FOXP1: variants seen among roughly 807,000 people sequenced by gnomAD.
The protein encoded by FOXP1 is forkhead box protein P1.
In FOXP1, 15 loss-of-function variants were observed where a neutral mutation model predicts 98.2. The ratio of observed to expected loss-of-function variants is 0.15; its 90% confidence interval spans 0.10 to 0.24. The LOEUF (loss-of-function observed/expected upper bound fraction) is 0.24. Among genes scored for constraint, FOXP1 ranks in the 10% least tolerant of loss-of-function variants. The pLI, the probability that FOXP1 is intolerant of heterozygous loss-of-function variation, is 1.00. For synonymous variants in FOXP1, 371 were observed against 314.5 expected (o/e 1.18, Z -1.90); for missense variants, 633 against 848.5 (o/e 0.75, Z 3.15).
intron 4 of FOXP1, among the ~76,000 whole-genome samples, chr3:71,344,242 G>C (rs78246745): frequency 0.021 from 3,135 of 152,268 alleles, 112 homozygotes; most frequent in African/African-American, 0.071. Context: ...AACTCTGCTA[G>C]AGTTTCCCCT....
rs150001651 is a variant in FOXP1 at position 71,281,793 on chromosome 3, A to T, written c.-12+18027T>A. Among the ~76,000 whole-genome samples, 495 of 152,180 alleles carry T rather than the reference A, an allele frequency of 3.3e-3. 3 individuals carry two copies. The highest frequency in any genetic ancestry group is 0.012 in the African/African-American group (478 of 41,540). On this transcript the variant is annotated intron_variant, in intron 5 of 20. Coordinates refer to ENST00000649528, the MANE Select transcript of FOXP1 (RefSeq NM_001349338.3). ...GGATGGCAATGGCTTGGCCTTTTAC[A>T]TTATCATCCCTCAAATCTAAGCTGA...
chr3:70,972,457 G>C (rs2036468157), intron 18 of FOXP1, 98 bp downstream of exon 18: 1 of 1,543,000 alleles, frequency 6.5e-7, no homozygotes, highest in South Asian at 1.1e-5. Flanking sequence ...CGTGAAACCA[G>C]TTCTTTGGTC....
At chr3:71,443,048 C>T (rs2086091389) in intron 3 of FOXP1, among the ~76,000 whole-genome samples, 1 of 152,148 alleles carries the variant, frequency 6.6e-6, no homozygotes, top group Admixed American at 6.5e-5. Flanking sequence ...TGTACCACCA[C>T]ACCTGGCTAA....
intron 7 of FOXP1, among the ~76,000 whole-genome samples, chr3:71,067,134 T>A (rs2107368484): frequency 6.6e-6 from 1 of 152,104 alleles, no homozygotes; most frequent in Non-Finnish European, 1.5e-5. Context: ...GAGAGGGAAA[T>A]GGCTTGGCAT....
chr3:70,968,483 C>T (rs1383690121), intron 19 of FOXP1: 1 of 151,154 alleles, frequency 6.6e-6, no homozygotes, highest in Non-Finnish European at 1.5e-5. Flanking sequence ...GCTGGCACCT[C>T]TGCCAAAAAA....
At chr3:71,171,243 G>A (rs1177484382) in intron 6 of FOXP1, among the ~76,000 whole-genome samples, 2 of 152,002 alleles carry the variant, frequency 1.3e-5, no homozygotes, top group Non-Finnish European at 2.9e-5. Flanking sequence ...TGCAATTACC[G>A]CTCACTAAAA....
intron 2 of FOXP1, among the ~76,000 whole-genome samples, chr3:71,514,434 T>C (rs2042415426): frequency 2.0e-5 from 3 of 152,210 alleles, no homozygotes; most frequent in Non-Finnish European, 4.4e-5. Context: ...AATCTACTTA[T>C]TATGTCTGTC....
At chr3:71,175,046 G>A (rs577561316) in intron 6 of FOXP1, among the ~76,000 whole-genome samples, 1 of 151,974 alleles carries the variant, frequency 6.6e-6, no homozygotes, top group East Asian at 1.9e-4. Context: ...CCCAGTAGCT[G>A]GGATTACAAG....
At chr3:71,327,387 T>A (rs1369990996) in intron 4 of FOXP1, among the ~76,000 whole-genome samples, 1 of 4,010 alleles carries the variant, frequency 2.5e-4, no homozygotes, top group Non-Finnish European at 4.4e-3. Flanking sequence ...GTCCAGCTAA[T>A]TTTTTTTTTT....
intron 7 of FOXP1, among the ~76,000 whole-genome samples, chr3:71,089,091 G>C (rs1576684077): frequency 6.6e-6 from 1 of 152,152 alleles, no homozygotes; most frequent in East Asian, 1.9e-4. Context: ...GGAATCAGTG[G>C]CACCCAACCT....
At chr3:71,302,339 C>T (rs1469613670) in intron 4 of FOXP1, among the ~76,000 whole-genome samples, 1 of 152,042 alleles carries the variant, frequency 6.6e-6, no homozygotes, top group Admixed American at 6.6e-5. Context: ...CAACAACTAG[C>T]AGAAAAATAG....
intron 3 of FOXP1, among the ~76,000 whole-genome samples, chr3:71,462,870 G>C (rs1422433536): frequency 1.3e-5 from 2 of 152,210 alleles, no homozygotes; most frequent in Non-Finnish European, 2.9e-5. Flanking sequence ...TGGCCTAGCA[G>C]GCTGGTCACC....
In FOXP1 at chr3:71,274,295, T is replaced by C. The variant is rs144198099; in HGVS notation, c.-12+25525A>G. ...GATAAATGAAAGGCAACCCTCAAGA[T>C]TGGCCACCTTAACTAAGGACATTAA... On this transcript the variant is annotated intron_variant, in intron 5 of 20. Coordinates refer to ENST00000649528, the MANE Select transcript of FOXP1 (RefSeq NM_001349338.3). 1.1e-3 allele frequency among the ~76,000 whole-genome samples: 162 copies of C among 152,284 alleles called. 1 individual carries two copies. In the East Asian group the frequency reaches 0.015, roughly 14 times the overall value.
intron 4 of FOXP1, among the ~76,000 whole-genome samples, chr3:71,329,578 A>C (rs2076169128): frequency 1.2e-5 from 1 of 85,142 alleles, no homozygotes; most frequent in Non-Finnish European, 2.8e-5. Flanking sequence ...TCAGAGAGCA[A>C]AATGTTGAAA....
intron 2 of FOXP1, among the ~76,000 whole-genome samples, chr3:71,527,516 G>C (rs1234518293): frequency 6.6e-6 from 1 of 152,172 alleles, no homozygotes; most frequent in African/African-American, 2.4e-5. Context: ...AAAAAGCTCA[G>C]ATTATGCTAA....
chr3:71,009,792 A>G (rs1294192536), intron 12 of FOXP1, among the ~76,000 whole-genome samples: 1 of 152,068 alleles, frequency 6.6e-6, no homozygotes, highest in Non-Finnish European at 1.5e-5. Context: ...TTTGCTACCT[A>G]GGCTACAGTA....
At chr3:70,970,154 C>T (rs2035896612) in intron 19 of FOXP1, 1 of 154,178 alleles carries the variant, frequency 6.5e-6, no homozygotes, top group African/African-American at 2.4e-5. Flanking sequence ...AATAAATACT[C>T]CGTGTGATTA....
intron 3 of FOXP1, among the ~76,000 whole-genome samples, chr3:71,473,595 C>A (rs1204969520): frequency 6.6e-6 from 1 of 152,058 alleles, no homozygotes; most frequent in African/African-American, 2.4e-5. Context: ...ATAGATACAA[C>A]TGATGTATAA....
At chr3:71,487,121 T>A (rs368547914) in intron 3 of FOXP1, among the ~76,000 whole-genome samples, 2 of 151,868 alleles carry the variant, frequency 1.3e-5, no homozygotes, top group Non-Finnish European at 2.9e-5. Flanking sequence ...GAGAGCGACA[T>A]AGACTCATTC....
Sources: allele counts gnomAD v4.1 joint callset (sites outside exome capture counted in the v4.1 genomes callset), GRCh38; gene constraint gnomAD v4.1.1; transcripts MANE v1.5; gene names NCBI Gene and HGNC (gene_info 2026-07-23, HGNC 2026-07-21).